SEM1: variants seen among roughly 807,000 people sequenced by gnomAD.
SEM1 encodes the protein 26S proteasome complex subunit SEM1.
Under a neutral mutation model 12.7 loss-of-function variants are expected in SEM1, and 3 were observed. That is an observed-to-expected ratio of 0.24 (90% confidence interval 0.11 to 0.61). The LOEUF is 0.61. Among genes scored for constraint, SEM1 ranks in the 20% least tolerant of loss-of-function variants. The probability of loss-of-function intolerance (pLI) is 0.88; values close to 1 mark genes in which losing one functional copy is unlikely to be tolerated. For synonymous variants in SEM1, 30 were observed against 27.8 expected (o/e 1.08, Z -0.25); for missense variants, 59 against 81.3 (o/e 0.73, Z 1.06).
chr7:96,618,379 C>A (rs933181206), downstream of SEM1, among the ~76,000 whole-genome samples: 1 of 152,156 alleles, frequency 6.6e-6, no homozygotes, highest in African/African-American at 2.4e-5. Flanking sequence ...TGGGGAACTA[C>A]TTTTTATACT....
At chr7:96,525,029 A>G (rs1804406077) in intron 2 of SEM1, among the ~76,000 whole-genome samples, 1 of 152,108 alleles carries the variant, frequency 6.6e-6, no homozygotes, top group Admixed American at 6.5e-5. Flanking sequence ...GGTGGCTGCC[A>G]TATTGAACAG....
chr7:96,703,972 A>ACACACACACACACAC (rs1554437189), intron 1 of SEM1, among the ~76,000 whole-genome samples: 1 of 142,084 alleles, frequency 7.0e-6, no homozygotes, highest in African/African-American at 2.7e-5. Flanking sequence ...GTCTCTTAAA[A>ACACACACACACACAC]ACACACACAC....
chr7:96,619,003 G>T (rs2116272280), downstream of SEM1, among the ~76,000 whole-genome samples: 1 of 152,254 alleles, frequency 6.6e-6, no homozygotes, highest in East Asian at 1.9e-4. Context: ...ATACTGAATT[G>T]ATTTTTGATT....
chr7:96,612,836 C>A (rs560387167), intron 2 of SEM1, among the ~76,000 whole-genome samples: 69 of 152,270 alleles, frequency 4.5e-4, no homozygotes, highest in African/African-American at 1.7e-3. Context: ...AGGGTTTCAC[C>A]ATGTTAGCCA....
intron 2 of SEM1, among the ~76,000 whole-genome samples, chr7:96,534,157 A>C (rs1023062775): frequency 9.2e-5 from 14 of 152,084 alleles, no homozygotes; most frequent in African/African-American, 3.4e-4. Context: ...GGTGTTTGGC[A>C]GACATTTTGT....
chr7:96,561,940 A>T (rs1805701030), intron 2 of SEM1, among the ~76,000 whole-genome samples: 1 of 152,202 alleles, frequency 6.6e-6, no homozygotes, highest in South Asian at 2.1e-4. Flanking sequence ...ATTATTATGC[A>T]CTAAAAGGGA....
intron 2 of SEM1, among the ~76,000 whole-genome samples, chr7:96,692,344 A>G (rs1789953795): frequency 6.6e-6 from 1 of 152,156 alleles, no homozygotes; most frequent in African/African-American, 2.4e-5. Flanking sequence ...AAGGAAGAAA[A>G]CTTGTTTAGC....
intron 2 of SEM1, among the ~76,000 whole-genome samples, chr7:96,580,911 T>C (rs199637929): frequency 6.6e-6 from 1 of 152,016 alleles, no homozygotes; most frequent in Admixed American, 6.6e-5. Context: ...TTCTCCCATT[T>C]TGTAGGTTGC....
At chr7:96,494,182 A>G (rs1381172666) in intron 1 of SEM1, among the ~76,000 whole-genome samples, 1 of 152,212 alleles carries the variant, frequency 6.6e-6, no homozygotes, top group African/African-American at 2.4e-5. Context: ...TTCCTTATGC[A>G]TCTTTTGCAT....
At chr7:96,504,365 A>T (rs1272012790) in intron 3 of SEM1, among the ~76,000 whole-genome samples, 4 of 152,046 alleles carry the variant, frequency 2.6e-5, no homozygotes, top group African/African-American at 9.7e-5. Flanking sequence ...TCCCCACTTT[A>T]TTTTTCCCCA....
chr7:96,509,464 A>G (rs182479350), intron 2 of SEM1, among the ~76,000 whole-genome samples: 87 of 152,290 alleles, frequency 5.7e-4, no homozygotes, highest in South Asian at 8.3e-4. Flanking sequence ...ATGAGTTATC[A>G]GCATCAATGT....
rs558329519 is a variant in SEM1, at chr7:96,582,655, T to G, written c.171-75957A>C. On this transcript the variant is annotated intron_variant and NMD_transcript_variant, in intron 2 of 3. Coordinates refer to the SEM1 transcript ENST00000466986. Reference sequence around the variant, plus strand: ...ATTATTGCCACAATTTCAGCTCCTGTTATTGGTCTATTCAGAGATTCAACT... The same window carrying G: ...ATTATTGCCACAATTTCAGCTCCTGGTATTGGTCTATTCAGAGATTCAACT... 1.3e-4 allele frequency among the ~76,000 whole-genome samples: 7 copies of G among 53,706 alleles called. No individual in the cohort carries two copies. In the East Asian group the frequency reaches 4.5e-3, roughly 34 times the overall value. The allele number at this position is 53,706 out of a possible 152,430, so 35.2% of individuals were successfully genotyped here.
rs184018670 is a variant in SEM1, at chr7:96,709,840, C to T, written c.-77G>A. 2.0e-5 allele frequency: 27 copies of T among 1,332,154 alleles called. No homozygotes were observed. The Middle Eastern group carries it at 7.3e-4, about 36-fold the overall frequency. The allele number at this position is 1,332,154 out of a possible 1,614,324, so 82.5% of individuals were successfully genotyped here. ...TCACTCTTCCTCAAGGAAACGCCACCGTCACTACCGCCTCCGACGCTGACG... is the reference window on the plus strand; with the variant it reads ...TCACTCTTCCTCAAGGAAACGCCACTGTCACTACCGCCTCCGACGCTGACG... On this transcript the variant is annotated 5_prime_UTR_variant, in exon 1 of 3. Transcript: ENST00000248566.
At chr7:96,489,035 C>T (rs62470038) in intron 1 of SEM1, among the ~76,000 whole-genome samples, 12,817 of 152,096 alleles carry the variant, frequency 0.084, 678 homozygotes, top group South Asian at 0.14. Context: ...ACAAAATTGT[C>T]AGGGCTGCCT....
In SEM1 at chr7:96,705,565, T is replaced by C. The variant is rs563587351; in HGVS notation, c.76+4123A>G. Among the ~76,000 whole-genome samples the C allele has an allele frequency of 3.3e-5, 5 of 152,230 alleles. No homozygotes were observed. In the East Asian group the frequency reaches 9.7e-4, roughly 29 times the overall value. ...AAATTAGGCTGGGCGCGGTGGCTCA[T>C]GCCTGTAATCCCAGCACTTTGGGAG... On this transcript the variant is annotated intron_variant, in intron 1 of 2. Coordinates refer to ENST00000248566, the MANE Select transcript of SEM1 (RefSeq NM_006304.2).
intron 2 of SEM1, among the ~76,000 whole-genome samples, chr7:96,646,609 T>C (rs1427676277): frequency 6.6e-6 from 1 of 152,184 alleles, no homozygotes; most frequent in Non-Finnish European, 1.5e-5. Flanking sequence ...ATGCAAGGCA[T>C]AGTTCTCTGG....
chr7:96,484,931 A>T, intron 2 of SEM1: 3 of 854,708 alleles, frequency 3.5e-6, no homozygotes, highest in Non-Finnish European at 5.0e-6. Flanking sequence ...GGAAATGGGA[A>T]CACCATATCC....
chr7:96,698,474 T>A (rs1790165895), intron 1 of SEM1, among the ~76,000 whole-genome samples: 1 of 152,134 alleles, frequency 6.6e-6, no homozygotes, highest in African/African-American at 2.4e-5. Flanking sequence ...TACTATGTGT[T>A]CTCATTGTTC....
intron 2 of SEM1, among the ~76,000 whole-genome samples, chr7:96,625,596 C>A (rs983794567): frequency 1.3e-5 from 2 of 152,182 alleles, no homozygotes; most frequent in Non-Finnish European, 2.9e-5. Context: ...AGCTACAAGG[C>A]TGAAACCCCT....
Sources: allele counts gnomAD v4.1 joint callset (sites outside exome capture counted in the v4.1 genomes callset), GRCh38; gene constraint gnomAD v4.1.1; transcripts MANE v1.5; gene names NCBI Gene and HGNC (gene_info 2026-07-23, HGNC 2026-07-21).